MICAL3: variants seen among roughly 807,000 people sequenced by gnomAD.
MICAL3 encodes microtubule associated monooxygenase, calponin and LIM domain containing 3, also known as [F-actin]-monooxygenase MICAL3.
A neutral mutation model predicts 207.4 loss-of-function variants in MICAL3; 62 were observed. That is an observed-to-expected ratio of 0.30 (90% CI 0.24 to 0.37). The LOEUF (loss-of-function observed/expected upper bound fraction) is 0.37, where lower values mean the gene tolerates loss of function less well. MICAL3 is among the 10% of genes least tolerant of loss of function. The probability of loss-of-function intolerance (pLI) is 1.00; values close to 1 mark genes in which losing one functional copy is unlikely to be tolerated. For missense variants in MICAL3, 2,368 were observed against 2,635.6 expected (o/e 0.90, Z 2.22); for synonymous variants, 1,077 against 1,069.3 (o/e 1.01, Z -0.14).
chr22:17,992,107 T>G (rs1921748309), intron 1 of MICAL3, among the ~76,000 whole-genome samples: 1 of 152,128 alleles, frequency 6.6e-6, no homozygotes, highest in South Asian at 2.1e-4. Context: ...CCAGTCCACT[T>G]GGGGCACCTA....
chr22:17,818,077 G>A lies in MICAL3; in HGVS notation c.4584C>T (p.Asp1528=), dbSNP rs1246564989. The A allele has an allele frequency of 3.7e-6, 6 of 1,613,108 alleles. No individual in the cohort carries two copies. Among genetic ancestry groups the A allele is most frequent in the Non-Finnish European group, 5.1e-6 (6 of 1,179,754 alleles). The change falls in exon 26 of 32, where the codon GAC becomes GAT. Residue 1528 remains aspartate, a synonymous_variant. Coordinates refer to ENST00000441493, the MANE Select transcript of MICAL3 (RefSeq NM_015241.3). The part of the protein sequence containing the change: ...EEIPFADDVE[D]TYDDKTEDSS... ...AGTCCTCAGTCTTGTCGTCATAGGT[G>A]TCCTCCACATCATCAGCAAAGGGAA...
In MICAL3 at chr22:17,884,316, G is replaced by A. The variant is rs372306983; in HGVS notation, c.2241+1562C>T. On this transcript the variant is annotated intron_variant, in intron 16 of 31. Coordinates refer to ENST00000441493, the MANE Select transcript of MICAL3 (RefSeq NM_015241.3). The stretch of plus-strand genomic sequence containing the variant: ...GTGGGGGCAGGGCGAACCTGCCCAG[G>A]CAGGCAGCAGGACGGCTGGCTGGCC... 152 of 1,592,008 alleles carry A rather than the reference G, an allele frequency of 9.5e-5. 1 individual carries two copies. In the African/African-American group the frequency reaches 1.9e-3, roughly 20 times the overall value.
Position 17,915,528 on chromosome 22 carries a change from G to T in MICAL3, c.-74-8642C>A, listed in dbSNP as rs1057247273. Among the ~76,000 whole-genome samples, 33 of 152,244 alleles carry T rather than the reference G, an allele frequency of 2.2e-4. 1 individual carries two copies. The highest frequency in any genetic ancestry group is 8.0e-4 in the African/African-American group (33 of 41,466). ...GCTTCCTCCCTCTTGCAGGGGCAGA[G>T]CCTGCAGCTAAGGCTTTCCGACGCT... On this transcript the variant is annotated intron_variant, in intron 1 of 31. Transcript: ENST00000441493.
intron 1 of MICAL3, among the ~76,000 whole-genome samples, chr22:17,929,411 T>G (rs905446464): frequency 6.6e-6 from 1 of 151,982 alleles, no homozygotes; most frequent in Non-Finnish European, 1.5e-5. Context: ...GCCTCCAATA[T>G]TTTGTTTTTA....
intron 20 of MICAL3, among the ~76,000 whole-genome samples, chr22:17,836,131 T>C (rs1443025494): frequency 6.6e-6 from 1 of 152,206 alleles, no homozygotes; most frequent in African/African-American, 2.4e-5. Flanking sequence ...CTGGCAGACC[T>C]AGCATGGGAA....
At chr22:17,930,249 T>C (rs1933176148) in intron 1 of MICAL3, among the ~76,000 whole-genome samples, 1 of 152,184 alleles carries the variant, frequency 6.6e-6, no homozygotes, top group South Asian at 2.1e-4. Flanking sequence ...TGTTCAGCAG[T>C]GGTTCTTGAA....
At chr22:17,981,692 T>C (rs1247252865) in intron 1 of MICAL3, among the ~76,000 whole-genome samples, 2 of 152,182 alleles carry the variant, frequency 1.3e-5, no homozygotes, top group Non-Finnish European at 1.5e-5. Flanking sequence ...ACCTGGTGTC[T>C]CCACCACAGA....
intron 1 of MICAL3, among the ~76,000 whole-genome samples, chr22:17,979,696 A>C (rs1442350048): frequency 6.6e-6 from 1 of 152,016 alleles, no homozygotes; most frequent in Non-Finnish European, 1.5e-5. Context: ...CTCCCAGCCC[A>C]GCACACCACC....
chr22:17,922,239 G>A (rs1254996024), intron 1 of MICAL3, among the ~76,000 whole-genome samples: 1 of 152,162 alleles, frequency 6.6e-6, no homozygotes, highest in Admixed American at 6.5e-5. Context: ...TGGCTAGGTA[G>A]AGGAATTCAC....
chr22:17,966,823 G>A (rs887098442), intron 1 of MICAL3, among the ~76,000 whole-genome samples: 4 of 152,198 alleles, frequency 2.6e-5, no homozygotes, highest in African/African-American at 9.7e-5. Context: ...TGCTAAATGT[G>A]CAGCTGGAAC....
chr22:17,946,223 A>G (rs1395100405), intron 1 of MICAL3, among the ~76,000 whole-genome samples: 1 of 152,198 alleles, frequency 6.6e-6, no homozygotes, highest in East Asian at 1.9e-4. Flanking sequence ...AGGCCAGAGA[A>G]GACTGCACTT....
chr22:17,874,830 T>G (rs1372702150), intron 16 of MICAL3, among the ~76,000 whole-genome samples: 1 of 148,200 alleles, frequency 6.7e-6, no homozygotes, highest in Non-Finnish European at 1.5e-5. Context: ...ACTGAACCAG[T>G]GCTACTTCAG....
At chr22:17,951,779 T>C (rs1196818688) in intron 1 of MICAL3, among the ~76,000 whole-genome samples, 1 of 151,856 alleles carries the variant, frequency 6.6e-6, no homozygotes, top group Non-Finnish European at 1.5e-5. Context: ...TCACTGTAAC[T>C]TCTGCCTCCC....
intron 16 of MICAL3, among the ~76,000 whole-genome samples, chr22:17,877,170 AGGGAGG>A (rs1928695698): frequency 2.3e-5 from 3 of 130,366 alleles, no homozygotes; most frequent in Non-Finnish European, 4.9e-5. Context: ...TATGGAGGTT[AGGGAGG>A]TTAGGGAAGT....
intron 16 of MICAL3, among the ~76,000 whole-genome samples, chr22:17,877,346 GGTT>G (rs1928802565): frequency 4.5e-5 from 4 of 88,518 alleles, no homozygotes; most frequent in Admixed American, 2.5e-4. Context: ...AGGTTAGGGA[GGTT>G]AGGGAGGTTA....
intron 16 of MICAL3, among the ~76,000 whole-genome samples, chr22:17,877,547 G>GGAGGTT (rs1928943330): frequency 1.7e-5 from 1 of 60,200 alleles, no homozygotes; most frequent in African/African-American, 5.7e-5. Flanking sequence ...TTATGGAGGT[G>GGAGGTT]AGGGAGGTTA....
At chr22:17,848,532 G>C (rs1318267325) in intron 19 of MICAL3, among the ~76,000 whole-genome samples, 1 of 152,168 alleles carries the variant, frequency 6.6e-6, no homozygotes, top group Non-Finnish European at 1.5e-5. Flanking sequence ...AATCAGCTTG[G>C]ATACTGGTTC....
At chr22:18,002,122 C>T (rs1296276191) in intron 1 of MICAL3, among the ~76,000 whole-genome samples, 7 of 152,052 alleles carry the variant, frequency 4.6e-5, no homozygotes, top group African/African-American at 1.2e-4. Context: ...CACTTGAACC[C>T]GGGAGGCGGA....
At chr22:17,876,532 C>T (rs918958296) in intron 16 of MICAL3, 1 of 152,282 alleles carries the variant, frequency 6.6e-6, no homozygotes, top group Non-Finnish European at 1.5e-5. Context: ...CAACACAGGC[C>T]CCAGAGGGAG....
Sources: allele counts gnomAD v4.1 joint callset (sites outside exome capture counted in the v4.1 genomes callset), GRCh38; gene constraint gnomAD v4.1.1; transcripts MANE v1.5; gene names NCBI Gene and HGNC (gene_info 2026-07-23, HGNC 2026-07-21).